MAST4: variants seen among roughly 807,000 people sequenced by gnomAD.
MAST4 encodes microtubule-associated serine/threonine-protein kinase 4.
Under a neutral mutation model 162.7 loss-of-function variants are expected in MAST4, and 89 were observed. The observed-to-expected ratio is 0.55, with a 90% confidence interval of 0.46 to 0.65. MAST4 has a LOEUF of 0.65. Among genes scored for constraint, MAST4 ranks in the 30% least tolerant of loss-of-function variants. The probability of loss-of-function intolerance (pLI) is 0.00; values close to 1 mark genes in which losing one functional copy is unlikely to be tolerated. For synonymous variants in MAST4, 1,479 were observed against 1,361.1 expected (o/e 1.09, Z -1.91); for missense variants, 3,153 against 3,374.0 (o/e 0.93, Z 1.62).
intron 4 of MAST4, among the ~76,000 whole-genome samples, chr5:66,999,485 T>C (rs182806433): frequency 6.6e-6 from 1 of 152,370 alleles, no homozygotes; most frequent in Admixed American, 6.5e-5. Context: ...TTATAGGTTA[T>C]CTGCTAATCT....
At chr5:66,813,939 A>T (rs1490736894) in intron 3 of MAST4, among the ~76,000 whole-genome samples, 2 of 152,194 alleles carry the variant, frequency 1.3e-5, no homozygotes, top group Non-Finnish European at 2.9e-5. Context: ...GGAACATGAG[A>T]TAGTGTGATA....
intron 5 of MAST4, among the ~76,000 whole-genome samples, chr5:67,073,509 G>A (rs1761220203): frequency 6.6e-6 from 1 of 152,156 alleles, no homozygotes; most frequent in South Asian, 2.1e-4. Flanking sequence ...AAGATAACTG[G>A]AGGCCATAAA....
chr5:66,663,868 G>A (rs1253608915), intron 1 of MAST4, among the ~76,000 whole-genome samples: 1 of 152,180 alleles, frequency 6.6e-6, no homozygotes, highest in Non-Finnish European at 1.5e-5. Context: ...GATAGATTGT[G>A]GGAGGCTAAG....
At chr5:67,074,313 G>A (rs78741731) in intron 5 of MAST4, among the ~76,000 whole-genome samples, 4,037 of 152,004 alleles carry the variant, frequency 0.027, 142 homozygotes, top group East Asian at 0.17. Flanking sequence ...TTCTGATGAT[G>A]GTATATTGAA....
chr5:66,795,179 G>A (rs1755591135), intron 3 of MAST4, among the ~76,000 whole-genome samples: 3 of 152,158 alleles, frequency 2.0e-5, no homozygotes, highest in African/African-American at 7.2e-5. Context: ...GAATGCCCTT[G>A]AATAAATTGC....
chr5:66,664,363 C>T (rs190071686), intron 1 of MAST4, among the ~76,000 whole-genome samples: 28 of 141,912 alleles, frequency 2.0e-4, no homozygotes, highest in Admixed American at 1.1e-3. Flanking sequence ...TGAACCCGGG[C>T]GACGGAGGTT....
chr5:66,984,117 G>A (rs1749181769), intron 4 of MAST4, among the ~76,000 whole-genome samples: 1 of 152,164 alleles, frequency 6.6e-6, no homozygotes, highest in Non-Finnish European at 1.5e-5. Context: ...GGGATTTGGA[G>A]AAGAGGATGT....
intron 3 of MAST4, among the ~76,000 whole-genome samples, chr5:66,894,816 A>G (rs370553759): frequency 6.6e-6 from 1 of 152,302 alleles, no homozygotes; most frequent in Middle Eastern, 3.4e-3. Flanking sequence ...AGGAACTCCC[A>G]AAGTGTGGAT....
chr5:67,042,468 G>A (rs1371257267), intron 4 of MAST4, among the ~76,000 whole-genome samples: 1 of 151,508 alleles, frequency 6.6e-6, no homozygotes, highest in East Asian at 1.9e-4. Context: ...ATGTAAATGA[G>A]GAAAAGAAAA....
chr5:66,989,620 A>G (rs181137955), intron 4 of MAST4, among the ~76,000 whole-genome samples: 1 of 152,326 alleles, frequency 6.6e-6, no homozygotes, highest in East Asian at 1.9e-4. Context: ...TTTTGAAACC[A>G]GCTCCCTTAC....
intron 6 of MAST4, among the ~76,000 whole-genome samples, 169 bp downstream of exon 6, chr5:67,090,400 C>A (rs1465843673): frequency 6.6e-5 from 6 of 90,420 alleles, no homozygotes; most frequent in Non-Finnish European, 1.4e-4. Context: ...TCCCCTTCTC[C>A]CCCTCCCCAC....
intron 5 of MAST4, among the ~76,000 whole-genome samples, chr5:67,069,287 G>GATAGATATATATATATATATATATATAT (rs1554091653): frequency 1.9e-5 from 2 of 107,646 alleles, no homozygotes; most frequent in African/African-American, 8.2e-5. Context: ...GAGGAGATTG[G>GATAGATATATATATATATATATATATAT]ATATATATAT....
intron 23 of MAST4, among the ~76,000 whole-genome samples, chr5:67,147,686 A>G (rs974447250): frequency 1.3e-5 from 2 of 152,230 alleles, no homozygotes; most frequent in African/African-American, 4.8e-5. Context: ...GGAAGTGTGT[A>G]CCTTACTCAA....
intron 4 of MAST4, among the ~76,000 whole-genome samples, chr5:67,034,093 G>C (rs1232847039): frequency 2.6e-5 from 4 of 152,136 alleles, no homozygotes; most frequent in Non-Finnish European, 5.9e-5. Flanking sequence ...GCTTTGTACA[G>C]TCTATCCATT....
rs1762913324 is a variant in MAST4 at position 66,900,064 on chromosome 5, G to A, written c.674+82G>A. 2.3e-5 allele frequency: 22 copies of A among 944,430 alleles called. 1 individual carries two copies. In the South Asian group the frequency reaches 4.1e-4, roughly 18 times the overall value. The allele number at this position is 944,430 out of a possible 1,614,324, so 58.5% of individuals were successfully genotyped here. A position where few individuals can be genotyped will look rare whatever the true frequency, so the allele number is the denominator to read the frequency against. On this transcript the variant is annotated intron_variant, in intron 4 of 28. Transcript: ENST00000403625. ...ATGATTCTTCTCTGATTCATTAGTG[G>A]CAATTATAAAATGAATGATAATCAA...
chr5:66,600,587 T>C (rs971165197), intron 1 of MAST4, among the ~76,000 whole-genome samples: 6 of 152,358 alleles, frequency 3.9e-5, no homozygotes, highest in Admixed American at 3.3e-4. Flanking sequence ...AAAAATGGCA[T>C]CTATGAAAAT....
intron 4 of MAST4, among the ~76,000 whole-genome samples, chr5:66,995,883 T>TCA (rs1346303316): frequency 1.5e-5 from 2 of 130,776 alleles, no homozygotes; most frequent in African/African-American, 3.3e-5. Context: ...CAAAACACAC[T>TCA]CACATACACA....
At chr5:67,017,383 C>T (rs1418690243) in intron 4 of MAST4, among the ~76,000 whole-genome samples, 1 of 152,092 alleles carries the variant, frequency 6.6e-6, no homozygotes, top group Non-Finnish European at 1.5e-5. Flanking sequence ...TACTATTAAC[C>T]TAGGCCTAAG....
At chr5:66,746,997 T>C (rs1007773231) in intron 1 of MAST4, among the ~76,000 whole-genome samples, 2 of 152,130 alleles carry the variant, frequency 1.3e-5, no homozygotes, top group South Asian at 4.2e-4. Context: ...ACTTTATTGC[T>C]TAATCACAGT....
Sources: gnomAD v4.1 joint callset for allele counts (sites outside exome capture counted in the v4.1 genomes callset) on GRCh38, gnomAD v4.1.1 for gene constraint, MANE v1.5 for transcripts, NCBI Gene and HGNC (gene_info 2026-07-23, HGNC 2026-07-21) for gene names.